Variants in HTT observed in about 807,000 individuals in gnomAD.
The protein encoded by HTT is huntington disease protein.
Under a neutral mutation model 362.3 loss-of-function variants are expected in HTT, and 104 were observed. The ratio of observed to expected loss-of-function variants is 0.29; its 90% CI spans 0.24 to 0.34. The LOEUF is 0.34. HTT is among the 10% of genes least tolerant of loss of function. The pLI, the probability that HTT is intolerant of heterozygous loss-of-function variation, is 1.00. For synonymous variants in HTT, 1,577 were observed against 1,548.7 expected (o/e 1.02, Z -0.43); for missense variants, 3,301 against 3,928.6 (o/e 0.84, Z 4.27).
rs1307030251 is a variant in HTT, at chr4:3,121,358, G to T, written c.1199G>T (p.Gly400Val). The change falls in exon 9 of 67, where the codon GGC becomes GTC. Residue 400 changes from glycine (G) to valine (V), a missense_variant. Gly to Val is a moderately radical substitution (Grantham distance 109). This residue lies in a region of HTT where 2,316 missense variants were observed against 2,658.5 expected (regional missense o/e 0.87). Coordinates refer to ENST00000355072, the MANE Select transcript of HTT (RefSeq NM_001388492.1). ...ELLQTLTAVG[G>V]IGQLTAAKEE... ...CTGCAAACCCTGACCGCAGTCGGGG[G>T]CATTGGGCAGCTCACCGCTGCTAAG... 5 of 1,614,010 alleles carry T rather than the reference G, an allele frequency of 3.1e-6. No individual in the cohort carries two copies. The highest frequency in any genetic ancestry group is 1.3e-5 in the African/African-American group (1 of 74,926).
intron 30 of HTT, among the ~76,000 whole-genome samples, 173 bp from the exon 31 acceptor site, chr4:3,172,735 G>A (rs1718051044): frequency 6.6e-6 from 1 of 151,824 alleles, no homozygotes; most frequent in Admixed American, 6.6e-5. Context: ...GGTACAAACA[G>A]CACTTCATAC....
At position 3,112,808 on chromosome 4, in the gene HTT, A is replaced by G. The variant is rs564163111; in HGVS notation, c.748-2496A>G. On this transcript the variant is annotated intron_variant, in intron 6 of 66. Transcript: ENST00000355072. ...GATAGGGTGTGTGCATCTCAGCTGC[A>G]GTAGAAACTGCCAAATAGCTTTCCT... Among the ~76,000 whole-genome samples, 12 of 152,312 alleles carry G rather than the reference A, an allele frequency of 7.9e-5. No homozygotes were observed. The South Asian group carries it at 1.2e-3, about 16-fold the overall frequency.
At chr4:3,207,066 G>C (rs1285914926) in intron 44 of HTT, 83 bp downstream of exon 44, 5 of 1,347,214 alleles carry the variant, frequency 3.7e-6, no homozygotes, top group Admixed American at 2.2e-5. Flanking sequence ...TTTTTCCTCC[G>C]TAAGTATGGT....
intron 31 of HTT, among the ~76,000 whole-genome samples, chr4:3,174,363 AT>A (rs1216099985): frequency 6.6e-6 from 1 of 152,226 alleles, no homozygotes; most frequent in African/African-American, 2.4e-5. Flanking sequence ...CTCCAAAAAA[AT>A]CATGTAATTT....
intron 1 of HTT, among the ~76,000 whole-genome samples, chr4:3,080,526 G>T (rs1712837508): frequency 1.3e-5 from 2 of 152,100 alleles, no homozygotes; most frequent in African/African-American, 4.8e-5. Context: ...TAGATGATTT[G>T]TAAAAACTCT....
intron 24 of HTT, among the ~76,000 whole-genome samples, chr4:3,145,907 T>C (rs1578535885): frequency 6.6e-6 from 1 of 152,336 alleles, no homozygotes; most frequent in African/African-American, 2.4e-5. Flanking sequence ...ACTGAGCAGC[T>C]ACGGTTTCTA....
At position 3,131,654 on chromosome 4, in the gene HTT, G is replaced by C; in HGVS notation, c.2115G>C (p.Arg705Ser). The C allele has an allele frequency of 6.2e-7, 1 of 1,613,788 alleles. No individual in the cohort carries two copies. The highest frequency in any genetic ancestry group is 8.5e-7 in the Non-Finnish European group (1 of 1,179,932). The change falls in exon 16 of 67, where the codon AGG (arginine) becomes AGC (serine). Residue 705 changes from arginine (R) to serine (S), a missense_variant. By Grantham distance (110) the Arg-to-Ser change is moderately radical. Transcript: ENST00000355072. ...TGGKNVLVPD[R>S]DVRVSVKALA... Reference sequence around the variant, plus strand: ...TCTTGGCAGTGCTGGTTCCGGACAGGGATGTGAGGGTCAGCGTGAAGGCCC... The same window carrying C: ...TCTTGGCAGTGCTGGTTCCGGACAGCGATGTGAGGGTCAGCGTGAAGGCCC...
In HTT at chr4:3,103,848, A is replaced by G. The variant is rs1714279458; in HGVS notation, c.493A>G (p.Arg165Gly). The part of the protein sequence containing the change: ...IKALMDSNLP[R>G]LQLELYKEIK... Reference sequence around the variant, plus strand: ...GGCTTTGATGGATTCTAATCTTCCAAGGTTACAGCTCGAGCTCTATAAGGA... The same window carrying G: ...GGCTTTGATGGATTCTAATCTTCCAGGGTTACAGCTCGAGCTCTATAAGGA... The change falls in exon 4 of 67, where the codon AGG becomes GGG. Residue 165 changes from arginine to glycine, a missense_variant. Transcript: ENST00000355072. 6.2e-7 allele frequency: 1 copy of G among 1,606,218 alleles called. No homozygotes were observed.
At chr4:3,231,469 G>A (rs1721246370) in intron 60 of HTT, among the ~76,000 whole-genome samples, 1 of 152,152 alleles carries the variant, frequency 6.6e-6, no homozygotes, top group South Asian at 2.1e-4. Flanking sequence ...TGGCTTGTCT[G>A]GGTCACACAA....
chr4:3,172,812 A>G, intron 30 of HTT, 96 bp from the exon 31 acceptor site: 1 of 864,100 alleles, frequency 1.2e-6, no homozygotes, highest in Non-Finnish European at 2.0e-6. Context: ...TTGCTAACAT[A>G]TCCAGTTATT....
Position 3,223,389 on chromosome 4 carries a change from G to C in HTT, c.7471-17G>C. On this transcript the variant is annotated splice_polypyrimidine_tract_variant and intron_variant, in intron 54 of 66. Transcript: ENST00000355072. ...GGTGTCTTGCTGCTCTTGTTGACAT[G>C]TGGGCTCTCCTTCCAGGAAGACACA... 1 of 1,562,768 alleles carries C rather than the reference G, an allele frequency of 6.4e-7. No homozygotes were observed. Among genetic ancestry groups the C allele is most frequent in the Non-Finnish European group, 8.7e-7 (1 of 1,152,364 alleles).
chr4:3,215,483 C>A (rs570055359), intron 51 of HTT, among the ~76,000 whole-genome samples: 1 of 152,248 alleles, frequency 6.6e-6, no homozygotes, highest in Non-Finnish European at 1.5e-5. Context: ...CCCTTCCCCC[C>A]GCACTTCCCA....
chr4:3,105,332 T>A (rs763986713), intron 4 of HTT, 25 bp from the exon 5 acceptor site: 1 of 1,556,054 alleles, frequency 6.4e-7, no homozygotes, highest in South Asian at 1.1e-5. Context: ...TGACTCTTAA[T>A]GCAACCCTCA....
intron 29 of HTT, among the ~76,000 whole-genome samples, chr4:3,170,878 T>A (rs1055917975): frequency 2.6e-5 from 4 of 152,216 alleles, no homozygotes; most frequent in African/African-American, 9.6e-5. Flanking sequence ...TCACCCTCAT[T>A]GTGCTCAGTA....
At chr4:3,194,194 C>G (rs932809398) in intron 40 of HTT, among the ~76,000 whole-genome samples, 1 of 152,178 alleles carries the variant, frequency 6.6e-6, no homozygotes, top group African/African-American at 2.4e-5. Context: ...CCATTTCAGG[C>G]GTGGGTACTT....
intron 15 of HTT, 117 bp downstream of exon 15, chr4:3,131,514 G>A: frequency 1.3e-6 from 2 of 1,493,048 alleles, no homozygotes; most frequent in Non-Finnish European, 1.9e-6. Context: ...GGATGAGTTT[G>A]GTTTTCACTA....
rs748480576 is a variant in HTT at position 3,222,467 on chromosome 4, CAGG to C, written c.7456_7458del (p.Glu2486del). Reference sequence around the variant, plus strand: ...GGTGACGCAGCCCCTCGTGATGGAGCAGGAGGAGAGCCCACCAGAAGTAAGGCC... The same window carrying C: ...GGTGACGCAGCCCCTCGTGATGGAGCAGGAGAGCCCACCAGAAGTAAGGCC... On this transcript the variant is annotated inframe_deletion, in exon 54 of 67. Coordinates refer to ENST00000355072, the MANE Select transcript of HTT (RefSeq NM_001388492.1). 1 of 1,614,066 alleles carries C rather than the reference CAGG, an allele frequency of 6.2e-7. No individual in the cohort carries two copies. Among genetic ancestry groups the C allele is most frequent in the Non-Finnish European group, 8.5e-7 (1 of 1,179,994 alleles).
chr4:3,129,690 T>C, intron 12 of HTT: 1 of 381,388 alleles, frequency 2.6e-6, no homozygotes, highest in Non-Finnish European at 4.6e-6. Flanking sequence ...CATTGGAATT[T>C]TTTTGGAGTT....
chr4:3,208,002 T>C (rs745989644), intron 45 of HTT, among the ~76,000 whole-genome samples: 19 of 152,148 alleles, frequency 1.2e-4, no homozygotes, highest in Middle Eastern at 6.3e-3. Flanking sequence ...AATATAATTA[T>C]CATGCTGTGT....
Sources: allele counts gnomAD v4.1 joint callset (sites outside exome capture counted in the v4.1 genomes callset), GRCh38; gene constraint gnomAD v4.1.1; regional missense constraint gnomAD v4.1.1; transcripts MANE v1.5; gene names NCBI Gene and HGNC (gene_info 2026-07-23, HGNC 2026-07-21).